CDKAL1: variants seen among roughly 807,000 people sequenced by gnomAD.
The protein encoded by CDKAL1 is CDKAL1 threonylcarbamoyladenosine tRNA methylthiotransferase, also known as threonylcarbamoyladenosine tRNA methylthiotransferase.
In CDKAL1, 32 loss-of-function variants were observed where a neutral mutation model predicts 68.2. The ratio of observed to expected loss-of-function variants is 0.47; its 90% CI spans 0.35 to 0.63. CDKAL1 has a LOEUF of 0.63. Ranked by LOEUF, CDKAL1 falls within the 30% of genes least tolerant of loss-of-function variation. The pLI is 0.00. For missense variants in CDKAL1, 606 were observed against 696.7 expected, an observed-to-expected ratio of 0.87 and a Z score of 1.47; for synonymous variants, 234 against 244.3, an observed-to-expected ratio of 0.96 and a Z score of 0.39.
Position 20,837,294 on chromosome 6 carries a change from A to AT in CDKAL1, c.639-8771dup, listed in dbSNP as rs922460992. On this transcript the variant is annotated intron_variant, in intron 8 of 15. Transcript: ENST00000274695. Reference sequence around the variant, plus strand: ...AGTTTCAATGCCCTTGAAATATAAGATTTTTTTTTTCTTTCCCAGGATGTT... The same window carrying AT: ...AGTTTCAATGCCCTTGAAATATAAGATTTTTTTTTTTCTTTCCCAGGATGTT... 1.4e-4 allele frequency among the ~76,000 whole-genome samples: 21 copies of AT among 150,214 alleles called. 1 individual carries two copies. The highest frequency in any genetic ancestry group is 1.1e-3 in the South Asian group (5 of 4,738).
chr6:21,089,691 G>A (rs1772895618), intron 12 of CDKAL1, among the ~76,000 whole-genome samples: 1 of 152,166 alleles, frequency 6.6e-6, no homozygotes, highest in African/African-American at 2.4e-5. Context: ...GGAAATAAGC[G>A]TGGAGAAACA....
intron 8 of CDKAL1, among the ~76,000 whole-genome samples, chr6:20,840,740 G>A (rs1778142434): frequency 6.6e-6 from 1 of 152,202 alleles, no homozygotes; most frequent in Non-Finnish European, 1.5e-5. Flanking sequence ...ATCAGATTCT[G>A]TTGGTATGAG....
At chr6:20,614,107 A>G (rs1275785554) in intron 4 of CDKAL1, among the ~76,000 whole-genome samples, 1 of 151,406 alleles carries the variant, frequency 6.6e-6, no homozygotes, top group Non-Finnish European at 1.5e-5. Flanking sequence ...TCCCTTTATC[A>G]TTTTTCTGTT....
At chr6:20,922,070 C>T (rs1322244691) in intron 9 of CDKAL1, among the ~76,000 whole-genome samples, 1 of 152,146 alleles carries the variant, frequency 6.6e-6, no homozygotes, top group African/African-American at 2.4e-5. Flanking sequence ...TAGTGGGATA[C>T]GCGAACAAAA....
intron 9 of CDKAL1, among the ~76,000 whole-genome samples, chr6:20,865,769 C>T (rs1759876733): frequency 6.6e-6 from 1 of 152,120 alleles, no homozygotes; most frequent in Non-Finnish European, 1.5e-5. Flanking sequence ...GGTTCTGCCA[C>T]ATATACTTCC....
chr6:21,182,790 C>T (rs555128352), intron 13 of CDKAL1, among the ~76,000 whole-genome samples: 3 of 152,300 alleles, frequency 2.0e-5, no homozygotes, highest in East Asian at 1.9e-4. Flanking sequence ...ATGAATCTTT[C>T]ACCCTGGTCC....
intron 12 of CDKAL1, among the ~76,000 whole-genome samples, chr6:21,092,905 T>G (rs1262668260): frequency 1.4e-5 from 2 of 146,594 alleles, no homozygotes; most frequent in Admixed American, 1.4e-4. Flanking sequence ...AAGGTTAAAG[T>G]AGAGAAAATC....
At chr6:20,672,280 T>TTCTCTC (rs1362727062) in intron 5 of CDKAL1, among the ~76,000 whole-genome samples, 19 of 125,100 alleles carry the variant, frequency 1.5e-4, no homozygotes, top group African/African-American at 2.4e-4. Context: ...TTTTCTTTCT[T>TTCTCTC]TCTCTCTCTC....
At chr6:21,098,336 A>G (rs1773415230) in intron 12 of CDKAL1, among the ~76,000 whole-genome samples, 1 of 152,102 alleles carries the variant, frequency 6.6e-6, no homozygotes, top group South Asian at 2.1e-4. Flanking sequence ...TAACTATATA[A>G]GGTGAGCGTG....
chr6:20,810,067 G>T (rs529002686), intron 8 of CDKAL1, among the ~76,000 whole-genome samples: 1 of 152,144 alleles, frequency 6.6e-6, no homozygotes, highest in South Asian at 2.1e-4. Context: ...TCCTTCAATT[G>T]TGTCCTATTT....
At chr6:20,670,459 C>T (rs1351744052) in intron 5 of CDKAL1, among the ~76,000 whole-genome samples, 3 of 152,232 alleles carry the variant, frequency 2.0e-5, no homozygotes, top group Non-Finnish European at 2.9e-5. Context: ...TTTTTGCCAT[C>T]CCCATTACTC....
At chr6:21,010,956 C>T (rs1210422260) in intron 11 of CDKAL1, among the ~76,000 whole-genome samples, 1 of 151,470 alleles carries the variant, frequency 6.6e-6, no homozygotes, top group African/African-American at 2.4e-5. Context: ...GTGGCGGGCA[C>T]CTGTAGTTCC....
intron 8 of CDKAL1, among the ~76,000 whole-genome samples, chr6:20,821,143 A>C (rs1777261209): frequency 6.6e-6 from 1 of 152,120 alleles, no homozygotes; most frequent in South Asian, 2.1e-4. Context: ...ACTGGGAGGC[A>C]ATCAGGAACC....
At chr6:21,192,220 A>G (rs1469901729) in intron 13 of CDKAL1, among the ~76,000 whole-genome samples, 8 of 147,474 alleles carry the variant, frequency 5.4e-5, no homozygotes, top group Non-Finnish European at 1.0e-4. Context: ...ACGGGGTTTC[A>G]CCTTGTTAGC....
intron 8 of CDKAL1, among the ~76,000 whole-genome samples, chr6:20,828,780 AC>A (rs529035062): frequency 3.9e-4 from 59 of 152,178 alleles, no homozygotes; most frequent in Non-Finnish European, 6.6e-4. Flanking sequence ...TGTTGTACAA[AC>A]ATCACCACTA....
At chr6:20,768,857 C>T (rs1774813442) in intron 7 of CDKAL1, among the ~76,000 whole-genome samples, 1 of 152,018 alleles carries the variant, frequency 6.6e-6, no homozygotes, top group African/African-American at 2.4e-5. Context: ...AGAATGTTTG[C>T]TGGGAGAGGG....
chr6:20,723,389 G>C (rs1000399166), intron 5 of CDKAL1, among the ~76,000 whole-genome samples: 1 of 152,274 alleles, frequency 6.6e-6, no homozygotes, highest in Non-Finnish European at 1.5e-5. Flanking sequence ...GACATGCCTG[G>C]TCTGGCTGTG....
chr6:20,819,576 A>G lies in CDKAL1; in HGVS notation c.639-26499A>G, dbSNP rs188359476. ...AGTGACAGAATAAAATTAACCAACT[A>G]GATGTTATCCTAAGATGACCAAGTA... is the stretch of plus-strand genomic sequence containing the variant. On this transcript the variant is annotated intron_variant, in intron 8 of 15. Transcript: ENST00000274695. Among the ~76,000 whole-genome samples, 22 of 152,208 alleles carry G rather than the reference A, an allele frequency of 1.4e-4. No individual in the cohort carries two copies. The East Asian group carries it at 4.1e-3, about 28-fold the overall frequency.
intron 10 of CDKAL1, among the ~76,000 whole-genome samples, chr6:20,979,991 C>T (rs775599776): frequency 1.3e-5 from 2 of 151,764 alleles, no homozygotes; most frequent in African/African-American, 2.4e-5. Flanking sequence ...AGGCTGATCT[C>T]AAACTCCTGA....
Sources: allele counts gnomAD v4.1 joint callset (sites outside exome capture counted in the v4.1 genomes callset), GRCh38; gene constraint gnomAD v4.1.1; transcripts MANE v1.5; gene names NCBI Gene and HGNC (gene_info 2026-07-23, HGNC 2026-07-21).